Variants in ADGRB3 observed in about 807,000 individuals in gnomAD.
ADGRB3 encodes the protein brain-specific angiogenesis inhibitor 3.
A neutral mutation model predicts 193.4 loss-of-function variants in ADGRB3; 37 were observed. The observed-to-expected ratio is 0.19, with a 90% confidence interval of 0.15 to 0.25. The LOEUF is 0.25. Among genes scored for constraint, ADGRB3 ranks in the 10% least tolerant of loss-of-function variants. The pLI, the probability that ADGRB3 is intolerant of heterozygous loss-of-function variation, is 1.00. For missense variants in ADGRB3, 1,637 were observed against 1,852.9 expected (o/e 0.88, Z 2.14); for synonymous variants, 690 against 644.2 (o/e 1.07, Z -1.08).
rs553607457 is a variant in ADGRB3 at position 69,385,799 on chromosome 6, G to C, written c.4380+2864G>C. Among the ~76,000 whole-genome samples the C allele has an allele frequency of 3.3e-5, 5 of 152,086 alleles. No individual in the cohort carries two copies. The East Asian group carries it at 9.7e-4, about 30-fold the overall frequency. ...CAGTGATCCCTTTGGACAGCTCCACGGTTCATCATTTACTTGGACAATTGA... is the reference window on the plus strand; with the variant it reads ...CAGTGATCCCTTTGGACAGCTCCACCGTTCATCATTTACTTGGACAATTGA... On this transcript the variant is annotated intron_variant, in intron 31 of 31. Coordinates refer to ENST00000370598, the MANE Select transcript of ADGRB3 (RefSeq NM_001704.3).
intron 17 of ADGRB3, among the ~76,000 whole-genome samples, chr6:69,182,998 G>A (rs62406818): frequency 0.14 from 21,474 of 151,894 alleles, 1,572 homozygotes; most frequent in Middle Eastern, 0.16. Context: ...TACTTTCTGA[G>A]TTATTACTTT....
chr6:69,384,628 C>T (rs1394993497), intron 31 of ADGRB3, among the ~76,000 whole-genome samples: 3 of 151,954 alleles, frequency 2.0e-5, no homozygotes, highest in Non-Finnish European at 4.4e-5. Flanking sequence ...ATCTCAGTTT[C>T]CTGACAACAA....
At chr6:68,762,297 T>C (rs1292415813) in intron 3 of ADGRB3, among the ~76,000 whole-genome samples, 1 of 152,148 alleles carries the variant, frequency 6.6e-6, no homozygotes. Flanking sequence ...TTAAGAGCTT[T>C]GTAATCTGGA....
chr6:68,775,752 A>G (rs368553838), intron 3 of ADGRB3, among the ~76,000 whole-genome samples: 1 of 152,098 alleles, frequency 6.6e-6, no homozygotes, highest in East Asian at 1.9e-4. Context: ...AACACAAATT[A>G]TGACCTAGCC....
intron 17 of ADGRB3, among the ~76,000 whole-genome samples, chr6:69,186,480 G>T (rs535403222): frequency 6.6e-6 from 1 of 151,044 alleles, no homozygotes; most frequent in Admixed American, 6.6e-5. Flanking sequence ...AGTATAGAAC[G>T]AGAATACAAG....
chr6:69,144,720 G>A (rs2150338954), intron 17 of ADGRB3, among the ~76,000 whole-genome samples: 1 of 152,068 alleles, frequency 6.6e-6, no homozygotes, highest in African/African-American at 2.4e-5. Context: ...TGATTGATTT[G>A]CATATGTTGA....
chr6:68,881,081 G>T (rs1765717249), intron 3 of ADGRB3, among the ~76,000 whole-genome samples: 1 of 151,906 alleles, frequency 6.6e-6, no homozygotes, highest in Admixed American at 6.6e-5. Context: ...GCTCTAGGAG[G>T]GCTAATAGGA....
intron 17 of ADGRB3, among the ~76,000 whole-genome samples, chr6:69,135,327 A>G (rs1774121008): frequency 1.3e-5 from 2 of 151,918 alleles, no homozygotes; most frequent in Admixed American, 6.6e-5. Flanking sequence ...GCATTACAGC[A>G]AGCCTCTTTA....
At chr6:69,223,419 G>A (rs1278229185) in intron 17 of ADGRB3, among the ~76,000 whole-genome samples, 2 of 151,998 alleles carry the variant, frequency 1.3e-5, no homozygotes, top group Non-Finnish European at 2.9e-5. Flanking sequence ...TTATTTTTAA[G>A]CACTATCCTT....
intron 3 of ADGRB3, among the ~76,000 whole-genome samples, chr6:68,643,399 G>A (rs1768126575): frequency 7.0e-6 from 1 of 142,722 alleles, no homozygotes; most frequent in Non-Finnish European, 1.5e-5. Context: ...ATAACTTTAG[G>A]AGTCATCATT....
chr6:68,640,390 T>G (rs932831219), intron 3 of ADGRB3, among the ~76,000 whole-genome samples: 1 of 152,242 alleles, frequency 6.6e-6, no homozygotes, highest in Non-Finnish European at 1.5e-5. Context: ...ATTGTGATTA[T>G]GTTTAATAAT....
intron 17 of ADGRB3, among the ~76,000 whole-genome samples, chr6:69,193,091 G>A (rs1430658123): frequency 1.3e-5 from 2 of 152,062 alleles, no homozygotes; most frequent in African/African-American, 4.8e-5. Flanking sequence ...TTTAAATCAA[G>A]GTTTGAGATA....
chr6:69,294,371 G>C (rs1767763154), intron 20 of ADGRB3, among the ~76,000 whole-genome samples: 1 of 151,984 alleles, frequency 6.6e-6, no homozygotes, highest in African/African-American at 2.4e-5. Context: ...ATATTTAGCT[G>C]TACCTAAATT....
intron 17 of ADGRB3, among the ~76,000 whole-genome samples, chr6:69,100,973 A>AGAAGGCAGGGAG (rs1773037662): frequency 3.6e-5 from 2 of 56,240 alleles, no homozygotes; most frequent in Non-Finnish European, 7.7e-5. Context: ...GAGAAAGGGA[A>AGAAGGCAGGGAG]GGAAGGAAGG....
chr6:68,999,347 C>T (rs993937071), intron 11 of ADGRB3, among the ~76,000 whole-genome samples: 1 of 151,056 alleles, frequency 6.6e-6, no homozygotes, highest in African/African-American at 2.4e-5. Flanking sequence ...TCACTGCAAG[C>T]TCTGCCTCCC....
intron 20 of ADGRB3, among the ~76,000 whole-genome samples, chr6:69,255,152 G>A (rs574317300): frequency 6.6e-6 from 1 of 151,972 alleles, no homozygotes; most frequent in African/African-American, 2.4e-5. Context: ...ATTGTGAATA[G>A]TGCCACAATA....
chr6:68,706,196 A>G (rs1431143644), intron 3 of ADGRB3, among the ~76,000 whole-genome samples: 1 of 152,136 alleles, frequency 6.6e-6, no homozygotes, highest in African/African-American at 2.4e-5. Flanking sequence ...AGAAGCTGTT[A>G]TCACCCCCAA....
At chr6:69,172,583 G>A (rs1000394367) in intron 17 of ADGRB3, among the ~76,000 whole-genome samples, 3 of 133,840 alleles carry the variant, frequency 2.2e-5, no homozygotes, top group African/African-American at 5.6e-5. Context: ...GGCGGAGCTT[G>A]CAGTGAGTCG....
intron 17 of ADGRB3, among the ~76,000 whole-genome samples, chr6:69,146,312 T>A (rs1207958914): frequency 6.6e-6 from 1 of 152,178 alleles, no homozygotes; most frequent in Non-Finnish European, 1.5e-5. Context: ...GGCTTCAACT[T>A]TGCTCAAAGA....
Sources: gnomAD v4.1 joint callset for allele counts (sites outside exome capture counted in the v4.1 genomes callset) on GRCh38, gnomAD v4.1.1 for gene constraint, MANE v1.5 for transcripts, NCBI Gene and HGNC (gene_info 2026-07-23, HGNC 2026-07-21) for gene names.